Variants in GALNTL6 observed in about 807,000 individuals in gnomAD.
GALNTL6 encodes polypeptide N-acetylgalactosaminyltransferase like 6, also known as polypeptide N-acetylgalactosaminyltransferase-like 6.
A neutral mutation model predicts 73.7 loss-of-function variants in GALNTL6; 46 were observed. The observed-to-expected ratio is 0.62, with a 90% CI of 0.49 to 0.80. The LOEUF is 0.80. Among genes scored for constraint, GALNTL6 ranks in the 30% least tolerant of loss-of-function variants. GALNTL6 has a pLI of 0.00. For missense variants in GALNTL6, 604 were observed against 755.0 expected, an observed-to-expected ratio of 0.80 and a Z score of 2.34; for synonymous variants, 259 against 263.7, an observed-to-expected ratio of 0.98 and a Z score of 0.17.
intron 5 of GALNTL6, among the ~76,000 whole-genome samples, chr4:172,777,141 A>G (rs1330572630): frequency 1.3e-5 from 2 of 152,208 alleles, no homozygotes; most frequent in Non-Finnish European, 2.9e-5. Context: ...TCTGTACCCC[A>G]TAAATCTATA....
At chr4:172,319,742 G>A (rs544374332) in intron 4 of GALNTL6, among the ~76,000 whole-genome samples, 1 of 152,244 alleles carries the variant, frequency 6.6e-6, no homozygotes, top group East Asian at 1.9e-4. Context: ...TCATCCAAAG[G>A]TTGGATGTCA....
chr4:172,877,006 T>C (rs1745228300), intron 7 of GALNTL6, among the ~76,000 whole-genome samples: 1 of 152,172 alleles, frequency 6.6e-6, no homozygotes, highest in Non-Finnish European at 1.5e-5. Flanking sequence ...TCATTGCTGA[T>C]CAAATTCACA....
At position 172,809,678 on chromosome 4, in the gene GALNTL6, T is replaced by A. The variant is rs546807678; in HGVS notation, c.739+132T>A. 1.6e-6 allele frequency: 1 copy of A among 620,486 alleles called. No homozygotes were observed. The highest frequency in any genetic ancestry group is 2.7e-6 in the Non-Finnish European group (1 of 370,504). 38.4% of individuals were successfully genotyped at this position (620,486 alleles called of 1,614,324 possible). A position where few individuals can be genotyped will look rare whatever the true frequency, so the allele number is the denominator to read the frequency against. On this transcript the variant is annotated intron_variant, in intron 6 of 12. Transcript: ENST00000506823. The surrounding 1 kb of genome is among the most constrained non-coding windows in gnomAD (Gnocchi z 4.4). ...TTTCCAGGGGAAGCCTTGAATTTTATATTTACCACTGCTGAAAACAGTTTA... is the reference window on the plus strand; with the variant it reads ...TTTCCAGGGGAAGCCTTGAATTTTAAATTTACCACTGCTGAAAACAGTTTA...
chr4:171,946,052 G>A (rs1197347216), intron 2 of GALNTL6, among the ~76,000 whole-genome samples: 1 of 152,144 alleles, frequency 6.6e-6, no homozygotes, highest in African/African-American at 2.4e-5. Flanking sequence ...ATAGTAGAAA[G>A]AGGTTATGGT....
At chr4:172,424,075 T>A (rs1331403688) in intron 5 of GALNTL6, among the ~76,000 whole-genome samples, 1 of 151,522 alleles carries the variant, frequency 6.6e-6, no homozygotes, top group South Asian at 2.1e-4. Context: ...ATTGTGGTGA[T>A]AGTATCATGA....
At chr4:172,375,814 G>A (rs530519579) in intron 5 of GALNTL6, among the ~76,000 whole-genome samples, 40 of 152,160 alleles carry the variant, frequency 2.6e-4, no homozygotes, top group South Asian at 2.5e-3. Context: ...CCTTACCAAC[G>A]CATTCTCAAA....
At chr4:172,393,091 A>G (rs1743723418) in intron 5 of GALNTL6, among the ~76,000 whole-genome samples, 1 of 152,122 alleles carries the variant, frequency 6.6e-6, no homozygotes, top group African/African-American at 2.4e-5. Flanking sequence ...TCTGAGGTGG[A>G]ACAGTTTCAT....
intron 2 of GALNTL6, among the ~76,000 whole-genome samples, chr4:172,041,133 A>G (rs1228118364): frequency 6.6e-6 from 1 of 152,066 alleles, no homozygotes; most frequent in Non-Finnish European, 1.5e-5. Context: ...ATAATTTTAC[A>G]TGATGTTGAT....
chr4:172,328,512 C>G (rs1190260297), intron 4 of GALNTL6, among the ~76,000 whole-genome samples: 2 of 152,146 alleles, frequency 1.3e-5, no homozygotes, highest in African/African-American at 2.4e-5. Context: ...CTCCCCTTCC[C>G]TTTCAAGGAG....
chr4:172,341,445 C>A (rs868329241), intron 4 of GALNTL6, among the ~76,000 whole-genome samples: 9 of 71,602 alleles, frequency 1.3e-4, no homozygotes, highest in African/African-American at 4.7e-4. Flanking sequence ...AGCGAGACTC[C>A]GTCTCAAAAA....
chr4:172,347,116 A>C (rs1741773573), intron 4 of GALNTL6, among the ~76,000 whole-genome samples: 3 of 150,386 alleles, frequency 2.0e-5, no homozygotes, highest in Non-Finnish European at 4.4e-5. Flanking sequence ...CAGCCAGCTG[A>C]GTAGCTAGGA....
At chr4:172,254,717 T>A (rs1000215910) in intron 3 of GALNTL6, among the ~76,000 whole-genome samples, 1 of 151,558 alleles carries the variant, frequency 6.6e-6, no homozygotes, top group Non-Finnish European at 1.5e-5. Flanking sequence ...CATTTTAGAG[T>A]GTACTGGTTT....
chr4:172,675,930 A>T (rs1032918538), intron 5 of GALNTL6, among the ~76,000 whole-genome samples: 4 of 152,206 alleles, frequency 2.6e-5, no homozygotes, highest in Admixed American at 2.0e-4. Flanking sequence ...CAAATCCTCA[A>T]ATTGGATTCC....
intron 2 of GALNTL6, among the ~76,000 whole-genome samples, chr4:171,908,072 G>C (rs560632542): frequency 3.3e-5 from 5 of 152,184 alleles, no homozygotes; most frequent in African/African-American, 1.2e-4. Context: ...TACCATTCAG[G>C]ACATAGGCAT....
rs150439193 is a variant in GALNTL6, at chr4:172,847,173, C to A, written c.923+33450C>A. ...GGCAAACATGAACCAACCTTTATTT[C>A]AGAGGTTTGCAATTTCAGGGGTAAA... On this transcript the variant is annotated intron_variant, in intron 7 of 12. Transcript: ENST00000506823. Among the ~76,000 whole-genome samples the A allele has an allele frequency of 4.7e-4, 72 of 152,298 alleles. 1 individual carries two copies. The highest frequency in any genetic ancestry group is 1.6e-3 in the African/African-American group (68 of 41,582).
intron 2 of GALNTL6, among the ~76,000 whole-genome samples, chr4:172,129,380 A>T (rs1167004707): frequency 1.3e-5 from 2 of 152,184 alleles, no homozygotes; most frequent in Non-Finnish European, 2.9e-5. Context: ...GATGGCATTG[A>T]TTTTAAAACA....
intron 5 of GALNTL6, among the ~76,000 whole-genome samples, chr4:172,442,027 A>G (rs1464205449): frequency 1.3e-5 from 2 of 152,196 alleles, no homozygotes; most frequent in African/African-American, 4.8e-5. Context: ...AACAAAATCC[A>G]TATATAATTA....
At chr4:172,713,222 A>ATGTGTGTGTGTGTGTGTGTGTG (rs61504713) in intron 5 of GALNTL6, among the ~76,000 whole-genome samples, 2 of 139,130 alleles carry the variant, frequency 1.4e-5, no homozygotes, top group African/African-American at 5.2e-5. Context: ...AAAGAATAAG[A>ATGTGTGTGTGTGTGTGTGTGTG]TGTGTGTGTG....
chr4:172,879,496 T>G (rs533990445), intron 7 of GALNTL6, among the ~76,000 whole-genome samples: 1 of 151,888 alleles, frequency 6.6e-6, no homozygotes, highest in East Asian at 1.9e-4. Flanking sequence ...CCCCAAATAT[T>G]TGGAAACTAA....
Sources: gnomAD v4.1 joint callset for allele counts (sites outside exome capture counted in the v4.1 genomes callset) on GRCh38, gnomAD v4.1.1 for gene constraint, Gnocchi (gnomAD v3.1) non-coding constraint, MANE v1.5 for transcripts, NCBI Gene and HGNC (gene_info 2026-07-23, HGNC 2026-07-21) for gene names.